The following CSMD3 variants were observed in gnomAD, a reference collection of about 807,000 sequenced individuals.
CSMD3 encodes the protein CUB and Sushi multiple domains 3.
A neutral mutation model predicts 435.2 loss-of-function variants in CSMD3; 177 were observed. The ratio of observed to expected loss-of-function variants is 0.41; its 90% confidence interval spans 0.36 to 0.46. The LOEUF (loss-of-function observed/expected upper bound fraction) is 0.46. CSMD3 is among the 20% of genes least tolerant of loss of function. The pLI is 0.34. For missense variants in CSMD3, 4,265 were observed against 4,504.6 expected, an observed-to-expected ratio of 0.95 and a Z score of 1.52; for synonymous variants, 1,656 against 1,520.5, an observed-to-expected ratio of 1.09 and a Z score of -2.07.
intron 27 of CSMD3, among the ~76,000 whole-genome samples, chr8:112,521,779 T>C (rs1824310114): frequency 6.6e-6 from 1 of 151,876 alleles, no homozygotes. Context: ...ATGTCCAAAA[T>C]ATTGTAAAAT....
At chr8:112,464,536 T>C (rs1014784730) in intron 32 of CSMD3, among the ~76,000 whole-genome samples, 2 of 152,074 alleles carry the variant, frequency 1.3e-5, no homozygotes, top group African/African-American at 2.4e-5. Flanking sequence ...TCCTCTGAAG[T>C]TACATATAGT....
At chr8:112,766,919 A>G (rs2077994000) in intron 13 of CSMD3, among the ~76,000 whole-genome samples, 1 of 151,830 alleles carries the variant, frequency 6.6e-6, no homozygotes. Flanking sequence ...AGGATAGCAA[A>G]CCTCTGAAAC....
At chr8:113,402,884 A>G (rs1443528690) in intron 1 of CSMD3, among the ~76,000 whole-genome samples, 1 of 151,360 alleles carries the variant, frequency 6.6e-6, no homozygotes, top group African/African-American at 2.4e-5. Context: ...TCTCTTAAGT[A>G]GATGATTTAT....
At chr8:112,417,354 T>G (rs1454326720) in intron 32 of CSMD3, among the ~76,000 whole-genome samples, 1 of 152,094 alleles carries the variant, frequency 6.6e-6, no homozygotes, top group Non-Finnish European at 1.5e-5. Flanking sequence ...GTACCTGACC[T>G]CCTAGGATTG....
chr8:112,949,404 T>C (rs1252778654), intron 8 of CSMD3, among the ~76,000 whole-genome samples: 1 of 152,056 alleles, frequency 6.6e-6, no homozygotes, highest in Admixed American at 6.6e-5. Flanking sequence ...TCTCTTTACC[T>C]TTCTAGGTTT....
intron 22 of CSMD3, among the ~76,000 whole-genome samples, chr8:112,594,964 T>G (rs1156373629): frequency 3.3e-5 from 5 of 152,042 alleles, no homozygotes; most frequent in African/African-American, 1.2e-4. Flanking sequence ...GCGCCTCTCC[T>G]CCTCCAAAGG....
chr8:112,300,367 G>C (rs1188224564), intron 53 of CSMD3, among the ~76,000 whole-genome samples: 2 of 150,750 alleles, frequency 1.3e-5, no homozygotes, highest in Non-Finnish European at 3.0e-5. Flanking sequence ...ATCTGTAATT[G>C]AAATTAGTAC....
intron 1 of CSMD3, among the ~76,000 whole-genome samples, chr8:113,320,941 A>T (rs889537445): frequency 6.6e-6 from 1 of 152,136 alleles, no homozygotes; most frequent in Admixed American, 6.6e-5. Context: ...CTAGTCATCC[A>T]TGTCCTTTGC....
intron 59 of CSMD3, among the ~76,000 whole-genome samples, chr8:112,277,320 G>C (rs1194258194): frequency 6.6e-6 from 1 of 152,066 alleles, no homozygotes; most frequent in African/African-American, 2.4e-5. Flanking sequence ...CAAATCTCTA[G>C]GGCAAGGGCA....
chr8:112,711,296 G>T (rs1425998949), intron 13 of CSMD3, among the ~76,000 whole-genome samples: 2 of 151,974 alleles, frequency 1.3e-5, no homozygotes, highest in East Asian at 1.9e-4. Flanking sequence ...ATAATAATGT[G>T]CCAGAAGGCC....
At chr8:113,060,314 G>A (rs1262345838) in intron 5 of CSMD3, among the ~76,000 whole-genome samples, 1 of 148,344 alleles carries the variant, frequency 6.7e-6, no homozygotes, top group African/African-American at 2.5e-5. Flanking sequence ...TCCCTACAAA[G>A]GATATGAACT....
At chr8:112,773,288 A>G (rs2078167095) in intron 13 of CSMD3, among the ~76,000 whole-genome samples, 1 of 152,100 alleles carries the variant, frequency 6.6e-6, no homozygotes, top group Non-Finnish European at 1.5e-5. Context: ...GATGAAACAG[A>G]ACTATTATTT....
At chr8:112,383,043 T>G (rs938521544) in intron 37 of CSMD3, among the ~76,000 whole-genome samples, 17 of 152,270 alleles carry the variant, frequency 1.1e-4, no homozygotes, top group South Asian at 1.0e-3. Flanking sequence ...AGTCAACATC[T>G]TACATAAAAA....
At chr8:113,377,197 G>C in intron 1 of CSMD3, 1 of 1,149,378 alleles carries the variant, frequency 8.7e-7, no homozygotes, top group Non-Finnish European at 1.1e-6. Context: ...CCAATGGCCG[G>C]AAGTTCGAGC....
chr8:112,431,816 C>A (rs1436750347), intron 32 of CSMD3, among the ~76,000 whole-genome samples: 3 of 152,048 alleles, frequency 2.0e-5, no homozygotes, highest in Non-Finnish European at 4.4e-5. Flanking sequence ...TCATATTCAC[C>A]ACAAGCACAA....
At chr8:112,925,461 G>T (rs1010310805) in intron 9 of CSMD3, among the ~76,000 whole-genome samples, 2 of 151,988 alleles carry the variant, frequency 1.3e-5, no homozygotes, top group African/African-American at 2.4e-5. Flanking sequence ...TACTGGGGAG[G>T]CTGAGGCAGG....
At chr8:112,870,430 G>A (rs973485993) in intron 10 of CSMD3, among the ~76,000 whole-genome samples, 3 of 150,972 alleles carry the variant, frequency 2.0e-5, no homozygotes, top group Admixed American at 1.3e-4. Flanking sequence ...CACCACATCC[G>A]GCTAATTTTT....
intron 1 of CSMD3, among the ~76,000 whole-genome samples, chr8:113,422,504 AAAAC>A (rs1247357447): frequency 1.3e-5 from 2 of 152,194 alleles, no homozygotes; most frequent in East Asian, 1.9e-4. Flanking sequence ...AGTCTGAAAT[AAAAC>A]AAACAGAGAC....
chr8:112,692,600 C>A (rs1177567513), intron 13 of CSMD3, among the ~76,000 whole-genome samples: 1 of 152,136 alleles, frequency 6.6e-6, no homozygotes, highest in Non-Finnish European at 1.5e-5. Flanking sequence ...GTGGATTTGA[C>A]AACATTTTTT....
Sources: gnomAD v4.1 joint callset for allele counts (sites outside exome capture counted in the v4.1 genomes callset) on GRCh38, gnomAD v4.1.1 for gene constraint, MANE v1.5 for transcripts, NCBI Gene and HGNC (gene_info 2026-07-23, HGNC 2026-07-21) for gene names.